Variants in INSL6 observed in about 807,000 individuals in gnomAD.
INSL6 encodes the protein insulin like 6, also known as insulin-like peptide INSL6.
A neutral mutation model predicts 9.4 loss-of-function variants in INSL6; 16 were observed. That is an observed-to-expected ratio of 1.70 (90% CI 1.15 to 2.59). The LOEUF (loss-of-function observed/expected upper bound fraction) is 2.59, where lower values mean the gene tolerates loss of function less well. INSL6 is among the 30% of genes most tolerant of loss of function. The pLI, the probability that INSL6 is intolerant of heterozygous loss-of-function variation, is 0.00. For synonymous variants in INSL6, 154 were observed against 96.9 expected, an observed-to-expected ratio of 1.59 and a Z score of -3.46; for missense variants, 391 against 257.3, an observed-to-expected ratio of 1.52 and a Z score of -3.56.
intron 2 of INSL6, among the ~76,000 whole-genome samples, chr9:5,154,793 T>C (rs1477716987): frequency 1.3e-5 from 2 of 152,316 alleles, no homozygotes; most frequent in Middle Eastern, 3.4e-3. Flanking sequence ...ACACACCAGT[T>C]AGAATGGCAA....
chr9:5,041,317 C>A, the INSL6 span: 9 of 764,962 alleles, frequency 1.2e-5, no homozygotes, highest in Middle Eastern at 2.5e-4. Context: ...ACATCCCGTG[C>A]AGCCAGCACA....
At chr9:5,051,452 A>G in the INSL6 span, among the ~76,000 whole-genome samples, 1 of 152,122 alleles carries the variant, frequency 6.6e-6, no homozygotes, top group East Asian at 1.9e-4. Flanking sequence ...TTAAAATCAA[A>G]GATTTCTGGG....
chr9:4,995,250 C>T, the INSL6 span, among the ~76,000 whole-genome samples: 1 of 152,308 alleles, frequency 6.6e-6, no homozygotes. Flanking sequence ...TTTGTGGGAG[C>T]TCTTATACTA....
intron 1 of INSL6, among the ~76,000 whole-genome samples, chr9:5,174,404 T>C (rs901867632): frequency 2.0e-5 from 3 of 152,236 alleles, no homozygotes; most frequent in Non-Finnish European, 2.9e-5. Context: ...AACATATTGC[T>C]AAATTCAACA....
At chr9:5,122,429 C>A (rs529521103), downstream of INSL6, among the ~76,000 whole-genome samples, 1 of 152,132 alleles carries the variant, frequency 6.6e-6, no homozygotes, top group East Asian at 1.9e-4. Context: ...TTTTCTCCAG[C>A]ATATTTATAT....
chr9:5,148,450 G>A (rs1358343939), intron 2 of INSL6, among the ~76,000 whole-genome samples: 2 of 152,106 alleles, frequency 1.3e-5, no homozygotes, highest in Non-Finnish European at 2.9e-5. Flanking sequence ...ATGGACTTTG[G>A]GGGAGCCATC....
intron 2 of INSL6, among the ~76,000 whole-genome samples, chr9:5,143,880 G>C (rs1344068581): frequency 2.6e-5 from 4 of 151,320 alleles, no homozygotes. Flanking sequence ...TGCTGGTCTC[G>C]AACTCCTGAC....
At chr9:5,182,965 A>AT (rs1160455805) in intron 1 of INSL6, among the ~76,000 whole-genome samples, 1 of 152,172 alleles carries the variant, frequency 6.6e-6, no homozygotes, top group Non-Finnish European at 1.5e-5. Flanking sequence ...AGCGTAGCAA[A>AT]TTATATTTTT....
At chr9:5,049,628 G>T in the INSL6 span, among the ~76,000 whole-genome samples, 2 of 152,040 alleles carry the variant, frequency 1.3e-5, no homozygotes, top group Non-Finnish European at 2.9e-5. Context: ...CTTCTGTTTC[G>T]CTTCTAAGCT....
At chr9:5,168,375 A>G (rs1466226395) in intron 1 of INSL6, among the ~76,000 whole-genome samples, 1 of 152,224 alleles carries the variant, frequency 6.6e-6, no homozygotes, top group Non-Finnish European at 1.5e-5. Context: ...TTTAGAGAGG[A>G]AGACAAGTAA....
At chr9:5,130,153 AT>A (rs1003760991) in intron 3 of INSL6, among the ~76,000 whole-genome samples, 2 of 152,196 alleles carry the variant, frequency 1.3e-5, no homozygotes, top group Admixed American at 6.5e-5. Flanking sequence ...ATTGCTTAAC[AT>A]TTTATTTTGA....
intron 1 of INSL6, among the ~76,000 whole-genome samples, chr9:5,176,896 A>G (rs1825321124): frequency 6.6e-6 from 1 of 152,244 alleles, no homozygotes; most frequent in Non-Finnish European, 1.5e-5. Context: ...GTCACTAACT[A>G]GTAAATATAA....
intron 2 of INSL6, among the ~76,000 whole-genome samples, chr9:5,134,930 T>G (rs1824363035): frequency 6.6e-6 from 1 of 152,124 alleles, no homozygotes; most frequent in Non-Finnish European, 1.5e-5. Context: ...TGTGCTGTGT[T>G]CAGGAGACCC....
At chr9:5,102,910 G>T in the INSL6 span, among the ~76,000 whole-genome samples, 10 of 151,928 alleles carry the variant, frequency 6.6e-5, no homozygotes, top group African/African-American at 2.4e-4. Flanking sequence ...AACATGGAAA[G>T]GAACAACCAG....
chr9:5,164,947 C>G (rs1406101365), intron 1 of INSL6, among the ~76,000 whole-genome samples: 1 of 152,222 alleles, frequency 6.6e-6, no homozygotes, highest in Non-Finnish European at 1.5e-5. Flanking sequence ...GTGGCTCACG[C>G]CTGTAATCCC....
chr9:5,073,743 C>G, the INSL6 span: 3 of 1,612,390 alleles, frequency 1.9e-6, no homozygotes, highest in Non-Finnish European at 2.5e-6. Context: ...TTCTCACAAG[C>G]ATTTGGTTTT....
intron 1 of INSL6, among the ~76,000 whole-genome samples, chr9:5,179,874 G>A (rs924357071): frequency 1.3e-5 from 2 of 152,174 alleles, no homozygotes; most frequent in Admixed American, 6.5e-5. Flanking sequence ...AAAGTATCAG[G>A]AGGAATAGCT....
At chr9:5,102,385 G>T in the INSL6 span, among the ~76,000 whole-genome samples, 1 of 152,164 alleles carries the variant, frequency 6.6e-6, no homozygotes, top group African/African-American at 2.4e-5. Flanking sequence ...AGAAATACAG[G>T]ACTATGTGAA....
At chr9:5,125,901 A>C (rs1176535327) in intron 3 of INSL6, 1 of 151,844 alleles carries the variant, frequency 6.6e-6, no homozygotes, top group Non-Finnish European at 1.5e-5. Context: ...TTCCTAGCTT[A>C]TAATTCAGAT....
Sources: allele counts gnomAD v4.1 joint callset (sites outside exome capture counted in the v4.1 genomes callset), GRCh38; gene constraint gnomAD v4.1.1; transcripts MANE v1.5; gene names NCBI Gene and HGNC (gene_info 2026-07-23, HGNC 2026-07-21).